PITPNC1: variants seen among roughly 807,000 people sequenced by gnomAD.
The protein encoded by PITPNC1 is phosphatidylinositol transfer protein cytoplasmic 1, also known as cytoplasmic phosphatidylinositol transfer protein 1.
PITPNC1 carries 18 observed loss-of-function variants against 44.7 expected under a neutral mutation model. The ratio of observed to expected loss-of-function variants is 0.40; its 90% CI spans 0.28 to 0.60. The LOEUF is 0.60. Ranked by LOEUF, PITPNC1 falls within the 20% of genes least tolerant of loss-of-function variation. The probability of loss-of-function intolerance (pLI) is 0.39; values close to 1 mark genes in which losing one functional copy is unlikely to be tolerated. For synonymous variants in PITPNC1, 141 were observed against 149.6 expected, an observed-to-expected ratio of 0.94 and a Z score of 0.42; for missense variants, 290 against 418.4, an observed-to-expected ratio of 0.69 and a Z score of 2.68.
At chr17:67,634,819 G>A (rs543607806) in intron 6 of PITPNC1, among the ~76,000 whole-genome samples, 13 of 151,938 alleles carry the variant, frequency 8.6e-5, no homozygotes, top group East Asian at 1.9e-4. Flanking sequence ...TTGGGAGGCC[G>A]AGGCAGGCAG....
chr17:67,498,550 G>C (rs572224135), intron 1 of PITPNC1, among the ~76,000 whole-genome samples: 1 of 152,170 alleles, frequency 6.6e-6, no homozygotes, highest in East Asian at 1.9e-4. Flanking sequence ...AACTCTTTTG[G>C]GTATATAACC....
chr17:67,444,789 C>T lies in PITPNC1; in HGVS notation c.48+66587C>T, dbSNP rs2949949. Among the ~76,000 whole-genome samples, 524 of 151,852 alleles carry T rather than the reference C, an allele frequency of 3.5e-3. 3 individuals are homozygous for T. Among genetic ancestry groups the T allele is most frequent in the African/African-American group, 0.012 (502 of 41,448 alleles). The stretch of plus-strand genomic sequence containing the variant: ...GCATGTGCCTGTAATCCCAGCTACT[C>T]GGGAGGCTGAGGCAGGAGAATCTCT... On this transcript the variant is annotated intron_variant, in intron 1 of 8. Coordinates refer to ENST00000581322, the MANE Select transcript of PITPNC1 (RefSeq NM_012417.4).
chr17:67,682,723 A>G (rs2042733711), intron 8 of PITPNC1, among the ~76,000 whole-genome samples: 1 of 152,214 alleles, frequency 6.6e-6, no homozygotes, highest in South Asian at 2.1e-4. Context: ...AAATTAGGCA[A>G]TTATCCCCAG....
intron 1 of PITPNC1, among the ~76,000 whole-genome samples, chr17:67,488,679 A>G (rs2039818229): frequency 6.6e-6 from 1 of 152,124 alleles, no homozygotes; most frequent in Non-Finnish European, 1.5e-5. Flanking sequence ...ACCACTATCC[A>G]TCTGCAGAAC....
chr17:67,440,509 T>C (rs1348744746), intron 1 of PITPNC1, among the ~76,000 whole-genome samples: 8 of 108,910 alleles, frequency 7.3e-5, no homozygotes, highest in African/African-American at 3.2e-4. Context: ...TTTATTTATT[T>C]ATTTATTTAT....
At chr17:67,603,504 G>A (rs2041568919) in intron 5 of PITPNC1, among the ~76,000 whole-genome samples, 2 of 152,190 alleles carry the variant, frequency 1.3e-5, no homozygotes, top group Admixed American at 1.3e-4. Context: ...GAGGCTTAGT[G>A]AGAGCCAGCG....
chr17:67,381,355 A>G (rs1034558823), intron 1 of PITPNC1, among the ~76,000 whole-genome samples: 54 of 147,092 alleles, frequency 3.7e-4, no homozygotes, highest in African/African-American at 1.3e-3. Flanking sequence ...AAGGGCTGGG[A>G]TTACAGGCAT....
chr17:67,396,352 TA>T (rs1178538765), intron 1 of PITPNC1, among the ~76,000 whole-genome samples: 1 of 152,186 alleles, frequency 6.6e-6, no homozygotes, highest in African/African-American at 2.4e-5. Flanking sequence ...GAAACCATCT[TA>T]TTTTTTATTT....
At chr17:67,448,260 A>G (rs938666256) in intron 1 of PITPNC1, among the ~76,000 whole-genome samples, 1 of 152,030 alleles carries the variant, frequency 6.6e-6, no homozygotes, top group East Asian at 1.9e-4. Flanking sequence ...TGACTTTTCT[A>G]TAAAGCCTTA....
chr17:67,542,441 T>C (rs2040621708), intron 2 of PITPNC1, among the ~76,000 whole-genome samples: 1 of 152,174 alleles, frequency 6.6e-6, no homozygotes, highest in African/African-American at 2.4e-5. Context: ...GTGACTGCCT[T>C]GTGGGTTGGG....
chr17:67,513,872 T>G (rs2040224220), intron 1 of PITPNC1, among the ~76,000 whole-genome samples: 1 of 151,616 alleles, frequency 6.6e-6, no homozygotes, highest in Non-Finnish European at 1.5e-5. Flanking sequence ...AGATACCATT[T>G]GTAATTAGAT....
At chr17:67,637,880 G>A (rs55985944) in intron 6 of PITPNC1, 51,612 of 139,452 alleles carry the variant, frequency 0.37, 11,649 homozygotes, top group Non-Finnish European at 0.5. Flanking sequence ...TGGGGGTGGG[G>A]GAGGAATTAG....
At chr17:67,644,636 C>T (rs146419777) in intron 6 of PITPNC1, among the ~76,000 whole-genome samples, 3,451 of 151,898 alleles carry the variant, frequency 0.023, 40 homozygotes, top group Middle Eastern at 0.041. Context: ...GGTTTCACCA[C>T]GTTGGTCAGG....
At chr17:67,534,315 G>A (rs1003454304) in intron 2 of PITPNC1, among the ~76,000 whole-genome samples, 15 of 151,974 alleles carry the variant, frequency 9.9e-5, no homozygotes, top group African/African-American at 3.4e-4. Context: ...TGAAACCTTC[G>A]GAATATTTGT....
At chr17:67,460,377 C>T (rs976845559) in intron 1 of PITPNC1, among the ~76,000 whole-genome samples, 7 of 151,974 alleles carry the variant, frequency 4.6e-5, no homozygotes, top group East Asian at 1.9e-4. Context: ...AGGATTCTTT[C>T]GTGGATGGCA....
chr17:67,395,202 CTG>C (rs1460606367), intron 1 of PITPNC1, among the ~76,000 whole-genome samples: 1 of 151,258 alleles, frequency 6.6e-6, no homozygotes, highest in Non-Finnish European at 1.5e-5. Flanking sequence ...GGGTCCCACT[CTG>C]TTGCCCAGGC....
intron 1 of PITPNC1, among the ~76,000 whole-genome samples, chr17:67,499,021 G>A (rs1055115934): frequency 4.0e-5 from 6 of 151,798 alleles, no homozygotes; most frequent in Admixed American, 1.3e-4. Context: ...ACAGGCACCC[G>A]CCACCATGCC....
At chr17:67,683,942 C>T (rs2042762256) in intron 8 of PITPNC1, among the ~76,000 whole-genome samples, 1 of 142,774 alleles carries the variant, frequency 7.0e-6, no homozygotes, top group Non-Finnish European at 1.5e-5. Context: ...TGCACCAGTG[C>T]ACTTCAGCCT....
intron 8 of PITPNC1, among the ~76,000 whole-genome samples, chr17:67,683,835 G>A (rs148341470): frequency 0.011 from 1,680 of 151,848 alleles, 15 homozygotes; most frequent in Non-Finnish European, 0.016. Flanking sequence ...AAAATCAGCC[G>A]GGCGTGGTGG....
Sources: allele counts gnomAD v4.1 joint callset (sites outside exome capture counted in the v4.1 genomes callset), GRCh38; gene constraint gnomAD v4.1.1; transcripts MANE v1.5; gene names NCBI Gene and HGNC (gene_info 2026-07-23, HGNC 2026-07-21).